KLF12: variants seen among roughly 807,000 people sequenced by gnomAD.
The protein encoded by KLF12 is Krueppel-like factor 12.
KLF12 carries 9 observed loss-of-function variants against 37.8 expected under a neutral mutation model. The observed-to-expected ratio is 0.24, with a 90% CI of 0.14 to 0.42. KLF12 has a LOEUF of 0.42. Ranked by LOEUF, KLF12 falls within the 10% of genes least tolerant of loss-of-function variation. KLF12 has a pLI of 1.00. For synonymous variants in KLF12, 208 were observed against 202.1 expected, an observed-to-expected ratio of 1.03 and a Z score of -0.25; for missense variants, 411 against 516.0, an observed-to-expected ratio of 0.80 and a Z score of 1.97.
chr13:74,202,228 G>C, the KLF12 span, among the ~76,000 whole-genome samples: 1 of 152,158 alleles, frequency 6.6e-6, no homozygotes, highest in African/African-American at 2.4e-5. Context: ...CAGGGAGAAA[G>C]ACACAGAGGG....
At chr13:74,167,621 A>T in the KLF12 span, among the ~76,000 whole-genome samples, 7 of 152,312 alleles carry the variant, frequency 4.6e-5, no homozygotes, top group Middle Eastern at 3.4e-3. Flanking sequence ...TGAATCTCTC[A>T]TTTCTCTAAA....
In KLF12 at chr13:73,886,996, A is replaced by G. The variant is rs536842370; in HGVS notation, c.124-40623T>C. ...AACAAGAGCGAAAATCCGTCTCAAAAAAAAAAAAAAAACAAGAAAAGAAAA... is the reference window on the plus strand; with the variant it reads ...AACAAGAGCGAAAATCCGTCTCAAAGAAAAAAAAAAAACAAGAAAAGAAAA... On this transcript the variant is annotated intron_variant, in intron 3 of 7. Coordinates refer to ENST00000377669, the MANE Select transcript of KLF12 (RefSeq NM_007249.5). Among the ~76,000 whole-genome samples the G allele has an allele frequency of 2.9e-3, 441 of 151,712 alleles. 5 individuals carry two copies. The highest frequency in any genetic ancestry group is 0.01 in the African/African-American group (417 of 41,448).
chr13:74,148,203 C>T, the KLF12 span, among the ~76,000 whole-genome samples: 1 of 152,060 alleles, frequency 6.6e-6, no homozygotes, highest in Non-Finnish European at 1.5e-5. Flanking sequence ...GTGTGAGCCA[C>T]CACCCCCGGC....
chr13:73,990,896 G>A (rs1299014339), intron 2 of KLF12, among the ~76,000 whole-genome samples: 1 of 152,022 alleles, frequency 6.6e-6, no homozygotes, highest in Non-Finnish European at 1.5e-5. Context: ...TTGTATGTAT[G>A]TACACAGAGA....
At chr13:73,871,584 GTACA>G (rs1366343926) in intron 3 of KLF12, among the ~76,000 whole-genome samples, 2 of 152,142 alleles carry the variant, frequency 1.3e-5, no homozygotes, top group Non-Finnish European at 2.9e-5. Flanking sequence ...CCTCCAAAGT[GTACA>G]TAGTTTCCCC....
At chr13:73,879,569 A>G (rs1368793678) in intron 3 of KLF12, among the ~76,000 whole-genome samples, 3 of 152,258 alleles carry the variant, frequency 2.0e-5, no homozygotes, top group Non-Finnish European at 2.9e-5. Flanking sequence ...GCAGAACAAA[A>G]ATGTCCTGAA....
chr13:73,927,724 C>G (rs9530260), intron 3 of KLF12, among the ~76,000 whole-genome samples: 36,164 of 150,298 alleles, frequency 0.24, 4,949 homozygotes, highest in East Asian at 0.58. Flanking sequence ...ACTACAGGTG[C>G]GTGCCACCAC....
intron 4 of KLF12, among the ~76,000 whole-genome samples, chr13:73,831,779 A>T (rs1884175660): frequency 6.6e-6 from 1 of 152,194 alleles, no homozygotes; most frequent in African/African-American, 2.4e-5. Flanking sequence ...GGTATTCAGC[A>T]TCTATAAACT....
the KLF12 span, among the ~76,000 whole-genome samples, chr13:74,154,594 G>A: frequency 6.6e-6 from 1 of 152,160 alleles, no homozygotes; most frequent in Non-Finnish European, 1.5e-5. Context: ...CTTCCCTGAA[G>A]TCAGGAAAGC....
intron 5 of KLF12, among the ~76,000 whole-genome samples, chr13:73,806,502 T>C (rs1174561685): frequency 6.6e-6 from 1 of 151,998 alleles, no homozygotes; most frequent in African/African-American, 2.4e-5. Flanking sequence ...TAGCTGGAAA[T>C]ACAGGTGTGC....
chr13:73,812,479 T>C (rs1446862457), intron 5 of KLF12, among the ~76,000 whole-genome samples: 2 of 152,076 alleles, frequency 1.3e-5, no homozygotes, highest in Non-Finnish European at 2.9e-5. Context: ...TCAGCACATA[T>C]ACTTTAAGTA....
At chr13:73,738,829 T>G (rs1877727095) in intron 6 of KLF12, among the ~76,000 whole-genome samples, 1 of 152,188 alleles carries the variant, frequency 6.6e-6, no homozygotes, top group Non-Finnish European at 1.5e-5. Context: ...GGTTTACAGT[T>G]AAATGCCTGG....
At chr13:74,119,332 CA>C (rs35654507) in intron 1 of KLF12, among the ~76,000 whole-genome samples, 72,626 of 141,984 alleles carry the variant, frequency 0.51, 22,234 homozygotes, top group East Asian at 0.87. Context: ...ACTCTTATCG[CA>C]AAAAAAAAAA....
At chr13:74,059,948 G>A (rs1325884499) in intron 1 of KLF12, among the ~76,000 whole-genome samples, 1 of 152,180 alleles carries the variant, frequency 6.6e-6, no homozygotes, top group African/African-American at 2.4e-5. Flanking sequence ...TATGGTGAGA[G>A]ACAGGGGTCC....
the KLF12 span, among the ~76,000 whole-genome samples, chr13:74,195,621 TGGG>T: frequency 6.6e-6 from 1 of 152,180 alleles, no homozygotes; most frequent in Non-Finnish European, 1.5e-5. Flanking sequence ...TGTTTTGAGA[TGGG>T]TTCTCACTCT....
intron 7 of KLF12, among the ~76,000 whole-genome samples, chr13:73,713,526 C>G (rs1365374043): frequency 2.6e-5 from 4 of 152,196 alleles, no homozygotes; most frequent in Admixed American, 2.0e-4. Context: ...GCAAGGGGTT[C>G]CCCGAATTAG....
At chr13:74,293,263 G>A in the KLF12 span, among the ~76,000 whole-genome samples, 92 of 152,236 alleles carry the variant, frequency 6.0e-4, no homozygotes, top group Non-Finnish European at 1.2e-3. Flanking sequence ...GAGATTCCAG[G>A]GAAAATCCTG....
chr13:74,282,717 C>CAAAGAACCAAAACTGAATAGAAAGGGT, the KLF12 span, among the ~76,000 whole-genome samples: 4 of 152,098 alleles, frequency 2.6e-5, no homozygotes, highest in Non-Finnish European at 5.9e-5. Flanking sequence ...AAATTTGAAC[C>CAAAGAACCAAAACTGAATAGAAAGGGT]AAAGAACCAA....
rs1002800711 is a variant in KLF12 at position 73,808,696 on chromosome 13, T to C, written c.806+4456A>G. ...GACAAATAATTTACTAGCTCAGGAA[T>C]GTTCACGCTATATAAATATACTAAT... On this transcript the variant is annotated intron_variant, in intron 5 of 7. Coordinates refer to ENST00000377669, the MANE Select transcript of KLF12 (RefSeq NM_007249.5). 3.9e-5 allele frequency among the ~76,000 whole-genome samples: 6 copies of C among 152,312 alleles called. No individual in the cohort carries two copies. The South Asian group carries it at 1.2e-3, about 32-fold the overall frequency.
Sources: allele counts gnomAD v4.1 joint callset (sites outside exome capture counted in the v4.1 genomes callset), GRCh38; gene constraint gnomAD v4.1.1; transcripts MANE v1.5; gene names NCBI Gene and HGNC (gene_info 2026-07-23, HGNC 2026-07-21).